TUBA8: variants seen among roughly 807,000 people sequenced by gnomAD.
TUBA8 encodes the protein tubulin alpha 8.
A neutral mutation model predicts 34.7 loss-of-function variants in TUBA8; 29 were observed. The ratio of observed to expected loss-of-function variants is 0.84; its 90% CI spans 0.62 to 1.14. The LOEUF (loss-of-function observed/expected upper bound fraction) is 1.14. TUBA8 is among the 50% of genes most tolerant of loss of function. The pLI is 0.00. For missense variants in TUBA8, 541 were observed against 599.2 expected (o/e 0.90, Z 1.01); for synonymous variants, 226 against 231.2 (o/e 0.98, Z 0.21).
chr22:18,124,458 G>C lies in TUBA8; in HGVS notation c.375+154G>C, dbSNP rs1203032138. 1.1e-6 allele frequency: 1 copy of C among 880,990 alleles called. No homozygotes were observed. The highest frequency in any genetic ancestry group is 1.7e-6 in the Non-Finnish European group (1 of 591,538). 54.6% of individuals were successfully genotyped at this position (880,990 alleles called of 1,614,324 possible). On this transcript the variant is annotated intron_variant, in intron 3 of 4. Coordinates refer to ENST00000330423, the MANE Select transcript of TUBA8 (RefSeq NM_018943.3). This position sits in a 1 kb window ranked among gnomAD's most constrained non-coding sequence, Gnocchi z 4.3. ...AATTTCTGCTTAAATTCTGTAAGAA[G>C]CATGCACAGGGGTGATGCCCCTTCC... is the stretch of plus-strand genomic sequence containing the variant.
Position 18,111,028 on chromosome 22 carries a change from G to A in TUBA8, c.3+160G>A, listed in dbSNP as rs988539591. ...GGTCGAGGAGTCCGCACCCTCGGGC[G>A]GGAACACCCGGTGCCCTTTATCGTA... On this transcript the variant is annotated intron_variant, in intron 1 of 4. Transcript: ENST00000330423. This position sits in a 1 kb window ranked among gnomAD's most constrained non-coding sequence, Gnocchi z 5.1. 4.7e-6 allele frequency: 5 copies of A among 1,069,140 alleles called. No homozygotes were observed. Among genetic ancestry groups the A allele is most frequent in the Non-Finnish European group, 6.8e-6 (5 of 732,720 alleles). The allele number at this position is 1,069,140 out of a possible 1,614,324, so 66.2% of individuals were successfully genotyped here. A position where few individuals can be genotyped will look rare whatever the true frequency, so the allele number is the denominator to read the frequency against.
chr22:18,131,111 A>C lies in TUBA8; in HGVS notation c.1325A>C (p.Glu442Ala), dbSNP rs374902308. Residue 442 changes from glutamate to alanine, a missense_variant, in exon 5 of 5, where the codon GAA (glutamate) becomes GCA (alanine). Glu to Ala is a moderately radical substitution (Grantham distance 107, BLOSUM62 -1). Transcript: ENST00000330423. This position sits in a 1 kb window ranked among gnomAD's most constrained non-coding sequence, Gnocchi z 5.3. ...YEEVGTDSFE[E>A]ENEGEEF ...GAAGTGGGGACTGATTCGTTTGAAG[A>C]AGAAAATGAAGGGGAGGAATTTTAA... 53 of 1,614,020 alleles carry C rather than the reference A, an allele frequency of 3.3e-5. No homozygotes were observed. Among genetic ancestry groups the C allele is most frequent in the Non-Finnish European group, 4.3e-5 (51 of 1,180,040 alleles).
intron 3 of TUBA8, chr22:18,125,380 T>A (rs1224183720): frequency 6.6e-6 from 1 of 151,920 alleles, no homozygotes; most frequent in Non-Finnish European, 1.5e-5. Context: ...CTGGGCATGG[T>A]AGCATGCGCC....
chr22:18,120,415 G>A (rs1198204347), intron 1 of TUBA8: 1 of 152,190 alleles, frequency 6.6e-6, no homozygotes, highest in Non-Finnish European at 1.5e-5. Context: ...ATTTGCTTAG[G>A]ATAATGACCT....
At chr22:18,127,338 G>T in intron 4 of TUBA8, 1 of 334,170 alleles carries the variant, frequency 3.0e-6, no homozygotes, top group Non-Finnish European at 5.5e-6. Flanking sequence ...CTACTCACCT[G>T]AAGTACAGTG....
intron 2 of TUBA8, chr22:18,122,445 G>A (rs906830320): frequency 6.6e-6 from 1 of 152,408 alleles, no homozygotes. Context: ...AATGCACAAA[G>A]TGCAGGTTAC....
At chr22:18,130,328 C>G (rs368241988) in intron 4 of TUBA8, 15 of 167,672 alleles carry the variant, frequency 8.9e-5, no homozygotes, top group African/African-American at 2.9e-4. Flanking sequence ...TAATGTCGCT[C>G]GTGACTCTCA....
At position 18,131,563 on chromosome 22, in the gene TUBA8, C is replaced by T. The variant is rs920463903; in HGVS notation, c.*427C>T. On this transcript the variant is annotated 3_prime_UTR_variant, in exon 5 of 5. Transcript: ENST00000330423. The surrounding 1 kb of genome is among the most constrained non-coding windows in gnomAD (Gnocchi z 5.3). The stretch of plus-strand genomic sequence containing the variant: ...TGAGCGGACGTTCACATGAGTGGGT[C>T]TATAGCCCGCTCCGGGCATCATCTA... 2.6e-5 allele frequency: 7 copies of T among 265,810 alleles called. No homozygotes were observed. The allele number at this position is 265,810 out of a possible 1,614,324, so 16.5% of individuals were successfully genotyped here. A position where few individuals can be genotyped will look rare whatever the true frequency, so the allele number is the denominator to read the frequency against.
At chr22:18,114,718 C>T (rs1927914406) in intron 1 of TUBA8, 1 of 152,158 alleles carries the variant, frequency 6.6e-6, no homozygotes, top group African/African-American at 2.4e-5. Context: ...GCAACTGGGG[C>T]ATGAGAGCAC....
intron 3 of TUBA8, chr22:18,125,193 A>AT (rs1163788817): frequency 6.6e-6 from 1 of 151,998 alleles, no homozygotes; most frequent in Admixed American, 6.6e-5. Context: ...CCTTATGAGG[A>AT]TTTTCTATTG....
At chr22:18,123,897 C>G (rs1233502190) in intron 2 of TUBA8, 1 of 499,162 alleles carries the variant, frequency 2.0e-6, no homozygotes. Context: ...CTTTGTAAAG[C>G]TAAGTCTTTT....
Position 18,121,697 on chromosome 22 carries a change from A to G in TUBA8, c.222A>G (p.Val74=). ...RAVMIDLEPT[V]VDEVRAGTYR... Reference sequence around the variant, plus strand: ...TCATGATAGATCTGGAGCCTACTGTAGTGGGTGAGTGGGGGCGGAGTTCCC... The same window carrying G: ...TCATGATAGATCTGGAGCCTACTGTGGTGGGTGAGTGGGGGCGGAGTTCCC... The change falls in exon 2 of 5, where the codon GTA becomes GTG. Residue 74 remains valine, a synonymous_variant. Transcript: ENST00000330423. This position sits in a 1 kb window ranked among gnomAD's most constrained non-coding sequence, Gnocchi z 4.8. The G allele has an allele frequency of 6.2e-7, 1 of 1,613,962 alleles. No homozygotes were observed. Among genetic ancestry groups the G allele is most frequent in the Non-Finnish European group, 8.5e-7 (1 of 1,179,872 alleles).
Position 18,110,887 on chromosome 22 carries a change from A to C in TUBA8, c.3+19A>C, listed in dbSNP as rs751933343. 1.3e-6 allele frequency: 2 copies of C among 1,546,642 alleles called. No individual in the cohort carries two copies. The highest frequency in any genetic ancestry group is 4.7e-5 in the East Asian group (2 of 42,194). On this transcript the variant is annotated intron_variant, in intron 1 of 4. Coordinates refer to ENST00000330423, the MANE Select transcript of TUBA8 (RefSeq NM_018943.3). This position sits in a 1 kb window ranked among gnomAD's most constrained non-coding sequence, Gnocchi z 6.2. The stretch of plus-strand genomic sequence containing the variant: ...AGCGATGGTGAGGCTTCCCGGGGCC[A>C]GGCGGGCTGCGGGCGCGCGGCAGGC...
Position 18,126,904 on chromosome 22 carries a change from A to C in TUBA8, c.926A>C (p.His309Pro), listed in dbSNP as rs752617563. ...CAGATGGTGAAGTGCGACCCGAGAC[A>C]TGGCAAGTACATGGCCTGCTGCATG... ...NSQMVKCDPR[H>P]GKYMACCMLY... Residue 309 changes from histidine (H) to proline (P), a missense_variant, in exon 4 of 5, where the codon CAT (histidine) becomes CCT (proline). Physicochemically the swap from His to Pro is moderately conservative, Grantham distance 77. Coordinates refer to ENST00000330423, the MANE Select transcript of TUBA8 (RefSeq NM_018943.3). This position sits in a 1 kb window ranked among gnomAD's most constrained non-coding sequence, Gnocchi z 4.0. The C allele has an allele frequency of 3.2e-5, 52 of 1,612,100 alleles. No individual in the cohort carries two copies. The highest frequency in any genetic ancestry group is 4.3e-5 in the Non-Finnish European group (51 of 1,178,942).
rs1411581041 is a variant in TUBA8 at position 18,124,051 on chromosome 22, G to A, written c.227-105G>A. On this transcript the variant is annotated intron_variant, in intron 2 of 4. Coordinates refer to ENST00000330423, the MANE Select transcript of TUBA8 (RefSeq NM_018943.3). The surrounding 1 kb of genome is among the most constrained non-coding windows in gnomAD (Gnocchi z 4.3). ...GGTGGTCTGGCTTCAAACCTCCATG[G>A]AGTTTTATAGGTAGGGGAGAACGGA... is the stretch of plus-strand genomic sequence containing the variant. 2.1e-6 allele frequency: 3 copies of A among 1,424,716 alleles called. No homozygotes were observed. The highest frequency in any genetic ancestry group is 2.8e-5 in the African/African-American group (2 of 71,350). The allele number at this position is 1,424,716 out of a possible 1,614,324, so 88.3% of individuals were successfully genotyped here. A position where few individuals can be genotyped will look rare whatever the true frequency, so the allele number is the denominator to read the frequency against.
Position 18,126,476 on chromosome 22 carries a change from G to A in TUBA8, c.498G>A (p.Lys166=). The A allele has an allele frequency of 6.2e-7, 1 of 1,614,044 alleles. No homozygotes were observed. Among genetic ancestry groups the A allele is most frequent in the Non-Finnish European group, 8.5e-7 (1 of 1,180,012 alleles). ...CCCTGGATTATGGCAAGAAATCCAA[G>A]CTGGAGTTTGCCATCTACCCAGCCC... is the stretch of plus-strand genomic sequence containing the variant. ...RLSLDYGKKS[K]LEFAIYPAPQ... is the part of the protein sequence containing the mutation. Residue 166 remains lysine, a synonymous_variant, in exon 4 of 5, where the codon AAG becomes AAA. Coordinates refer to ENST00000330423, the MANE Select transcript of TUBA8 (RefSeq NM_018943.3). This position sits in a 1 kb window ranked among gnomAD's most constrained non-coding sequence, Gnocchi z 4.0.
chr22:18,131,120 A>T lies in TUBA8; in HGVS notation c.1334A>T (p.Glu445Val), dbSNP rs138073466. The change falls in exon 5 of 5, where the codon GAA becomes GTA. Residue 445 changes from glutamate (E) to valine (V), a missense_variant. Coordinates refer to ENST00000330423, the MANE Select transcript of TUBA8 (RefSeq NM_018943.3). This position sits in a 1 kb window ranked among gnomAD's most constrained non-coding sequence, Gnocchi z 5.3. ...VGTDSFEEEN[E>V]GEEF ...ACTGATTCGTTTGAAGAAGAAAATG[A>T]AGGGGAGGAATTTTAAATATATACC... is the stretch of plus-strand genomic sequence containing the variant. The T allele has an allele frequency of 3.6e-4, 588 of 1,614,042 alleles. 1 individual carries two copies. In the African/African-American group the frequency reaches 6.4e-3, roughly 17 times the overall value.
At chr22:18,123,985 C>A in intron 2 of TUBA8, 171 bp from the exon 3 acceptor site, 1 of 772,934 alleles carries the variant, frequency 1.3e-6, no homozygotes, top group Non-Finnish European at 2.1e-6. Context: ...AGTCCCTGAG[C>A]TACCCGGGAA....
At position 18,126,352 on chromosome 22, in the gene TUBA8, A is replaced by G. The variant is rs776966670; in HGVS notation, c.376-2A>G. ...TTTCTTCTCATGTCCTGCTCTCCCT[A>G]GACAGATGCTTGCTCTGGCCTGCAG... On this transcript the variant is annotated splice_acceptor_variant, in intron 3 of 4. Transcript: ENST00000330423. LOFTEE classifies it high-confidence loss of function. The surrounding 1 kb of genome is among the most constrained non-coding windows in gnomAD (Gnocchi z 4.0). 2.5e-6 allele frequency: 4 copies of G among 1,614,026 alleles called. No individual in the cohort carries two copies. In the East Asian group the frequency reaches 8.9e-5, roughly 36 times the overall value.
Sources: allele counts gnomAD v4.1 joint callset, GRCh38; gene constraint gnomAD v4.1.1; non-coding constraint Gnocchi (gnomAD v3.1); transcripts MANE v1.5; gene names NCBI Gene and HGNC (gene_info 2026-07-23, HGNC 2026-07-21).